KCTD1: variants seen among roughly 807,000 people sequenced by gnomAD.
The protein encoded by KCTD1 is BTB/POZ domain-containing protein KCTD1.
A neutral mutation model predicts 66.0 loss-of-function variants in KCTD1; 24 were observed. That is an observed-to-expected ratio of 0.36 (90% CI 0.26 to 0.51). The LOEUF (loss-of-function observed/expected upper bound fraction) is 0.51, where lower values mean the gene tolerates loss of function less well. Ranked by LOEUF, KCTD1 falls within the 20% of genes least tolerant of loss-of-function variation. The pLI, the probability that KCTD1 is intolerant of heterozygous loss-of-function variation, is 0.95. For synonymous variants in KCTD1, 511 were observed against 517.2 expected (o/e 0.99, Z 0.16); for missense variants, 943 against 1,205.2 (o/e 0.78, Z 3.22).
intron 1 of KCTD1, among the ~76,000 whole-genome samples, chr18:26,534,742 T>G (rs760409219): frequency 6.6e-6 from 1 of 152,218 alleles, no homozygotes; most frequent in Non-Finnish European, 1.5e-5. Context: ...CAATGATTCA[T>G]GTAACTTTAA....
intron 1 of KCTD1, among the ~76,000 whole-genome samples, chr18:26,542,090 G>A (rs569792162): frequency 6.6e-6 from 1 of 152,240 alleles, no homozygotes; most frequent in African/African-American, 2.4e-5. Context: ...ACTGAATCCT[G>A]CTCCTCTCTG....
intron 1 of KCTD1, among the ~76,000 whole-genome samples, chr18:26,530,298 A>G (rs1417601202): frequency 6.6e-6 from 1 of 152,180 alleles, no homozygotes; most frequent in Admixed American, 6.5e-5. Flanking sequence ...AATACAGTTT[A>G]TCTTTGTTGT....
intron 3 of KCTD1, among the ~76,000 whole-genome samples, chr18:26,466,751 G>A (rs944394648): frequency 6.6e-6 from 1 of 152,188 alleles, no homozygotes; most frequent in Non-Finnish European, 1.5e-5. Flanking sequence ...CTACTGTGAG[G>A]TAGTATGAAG....
intron 1 of KCTD1, among the ~76,000 whole-genome samples, chr18:26,559,985 C>A (rs1985806253): frequency 6.6e-6 from 1 of 152,168 alleles, no homozygotes; most frequent in African/African-American, 2.4e-5. Context: ...TCCTTCTACT[C>A]TCGTTCCCTG....
At chr18:26,507,584 C>A (rs936280703) in intron 1 of KCTD1, among the ~76,000 whole-genome samples, 5 of 151,946 alleles carry the variant, frequency 3.3e-5, no homozygotes, top group Admixed American at 6.6e-5. Flanking sequence ...CTATGTTTAT[C>A]CAGGCTGGTC....
At chr18:26,475,848 G>A (rs1315775936) in intron 3 of KCTD1, among the ~76,000 whole-genome samples, 5 of 151,996 alleles carry the variant, frequency 3.3e-5, no homozygotes, top group East Asian at 1.9e-4. Flanking sequence ...GCAAAACTCC[G>A]TCTCAAAAAA....
At chr18:26,512,938 G>A (rs1983412808) in intron 1 of KCTD1, among the ~76,000 whole-genome samples, 1 of 151,972 alleles carries the variant, frequency 6.6e-6, no homozygotes, top group Non-Finnish European at 1.5e-5. Flanking sequence ...CTGAAATCAT[G>A]CCCCCGCACT....
intron 2 of KCTD1, among the ~76,000 whole-genome samples, chr18:26,497,818 G>C (rs1982555985): frequency 6.6e-6 from 1 of 152,170 alleles, no homozygotes; most frequent in African/African-American, 2.4e-5. Flanking sequence ...TAATGATAAG[G>C]ATGTCTCGGA....
At position 26,588,249 on chromosome 18, in the gene KCTD1, TGGGCAACAGTGTAAGACTCTGTA is replaced by T. The variant is rs1409751588; in HGVS notation, c.-16+40875_-16+40897del. On this transcript the variant is annotated intron_variant, in intron 1 of 4. Transcript: ENST00000317932. ...ACCGTAGGCTATGATGGTGCCAGCC[TGGGCAACAGTGTAAGACTCTGTA>T]GAAAGAAAAGAAAGAAAGAGGGAAA... Among the ~76,000 whole-genome samples, 5 of 144,940 alleles carry T rather than the reference TGGGCAACAGTGTAAGACTCTGTA, an allele frequency of 3.4e-5. No individual in the cohort carries two copies. The East Asian group carries it at 1.0e-3, about 30-fold the overall frequency.
At chr18:26,634,271 G>A (rs964261847) in intron 1 of KCTD1, among the ~76,000 whole-genome samples, 7 of 152,192 alleles carry the variant, frequency 4.6e-5, no homozygotes, top group African/African-American at 1.7e-4. Flanking sequence ...AAGGAAAAAG[G>A]AAAGAATAGA....
chr18:26,483,072 T>C (rs933989208), intron 2 of KCTD1, among the ~76,000 whole-genome samples: 16 of 152,298 alleles, frequency 1.1e-4, no homozygotes, highest in Admixed American at 1.0e-3. Flanking sequence ...GGCTAAGAGA[T>C]TCAGAGGCTA....
chr18:26,574,069 T>C (rs1986170179), intron 1 of KCTD1, among the ~76,000 whole-genome samples: 1 of 152,194 alleles, frequency 6.6e-6, no homozygotes, highest in South Asian at 2.1e-4. Context: ...CCAGGGACCC[T>C]CTCACTAGTG....
intron 1 of KCTD1, among the ~76,000 whole-genome samples, chr18:26,582,241 C>G (rs1293389274): frequency 6.6e-6 from 1 of 150,950 alleles, no homozygotes; most frequent in African/African-American, 2.4e-5. Context: ...CCACTGCACT[C>G]CAACCTAGGT....
At chr18:26,648,063 C>T (rs1358586854) in intron 1 of KCTD1, among the ~76,000 whole-genome samples, 1 of 152,070 alleles carries the variant, frequency 6.6e-6, no homozygotes, top group Non-Finnish European at 1.5e-5. Flanking sequence ...CCAGGCTGGT[C>T]TCAAACTCCT....
At chr18:26,536,020 T>C (rs1984693655) in intron 1 of KCTD1, among the ~76,000 whole-genome samples, 1 of 150,430 alleles carries the variant, frequency 6.6e-6, no homozygotes, top group African/African-American at 2.4e-5. Context: ...CCTCAGTCTG[T>C]CTAGCCCAGT....
intron 1 of KCTD1, among the ~76,000 whole-genome samples, chr18:26,525,162 C>G (rs116350862): frequency 0.011 from 1,611 of 152,284 alleles, 31 homozygotes; most frequent in African/African-American, 0.037. Flanking sequence ...GTGCAACTCT[C>G]TTTTTCTATC....
chr18:26,549,491 G>A, upstream of KCTD1: 1 of 974,290 alleles, frequency 1.0e-6, no homozygotes. Context: ...TGGGAGGGGA[G>A]ACGAGGGAAG....
intron 1 of KCTD1, among the ~76,000 whole-genome samples, chr18:26,571,454 AG>A (rs1986104161): frequency 6.6e-6 from 1 of 152,210 alleles, no homozygotes; most frequent in South Asian, 2.1e-4. Context: ...TCAAAATCTG[AG>A]GATGCTCAAG....
At chr18:26,575,892 T>C (rs1418084718) in intron 1 of KCTD1, among the ~76,000 whole-genome samples, 3 of 152,244 alleles carry the variant, frequency 2.0e-5, no homozygotes, top group African/African-American at 7.2e-5. Flanking sequence ...AAGTGTCAGC[T>C]ACGACGATAT....
Sources: allele counts gnomAD v4.1 joint callset (sites outside exome capture counted in the v4.1 genomes callset), GRCh38; gene constraint gnomAD v4.1.1; transcripts MANE v1.5; gene names NCBI Gene and HGNC (gene_info 2026-07-23, HGNC 2026-07-21).